EPS15L1: variants seen among roughly 807,000 people sequenced by gnomAD.
The protein encoded by EPS15L1 is epidermal growth factor receptor substrate 15-like 1.
Under a neutral mutation model 117.1 loss-of-function variants are expected in EPS15L1, and 43 were observed. That is an observed-to-expected ratio of 0.37 (90% CI 0.29 to 0.47). EPS15L1 has a LOEUF of 0.47. EPS15L1 is among the 20% of genes least tolerant of loss of function. The probability of loss-of-function intolerance (pLI) is 0.99; values close to 1 mark genes in which losing one functional copy is unlikely to be tolerated. For synonymous variants in EPS15L1, 459 were observed against 470.5 expected (o/e 0.98, Z 0.32); for missense variants, 981 against 1,164.0 (o/e 0.84, Z 2.29).
chr19:16,381,240 C>G lies in EPS15L1; in HGVS notation c.2247+3889G>C, dbSNP rs1035227344. Among the ~76,000 whole-genome samples, 3 of 152,272 alleles carry G rather than the reference C, an allele frequency of 2.0e-5. No homozygotes were observed. The highest frequency in any genetic ancestry group is 4.4e-5 in the Non-Finnish European group (3 of 68,050). ...CCACTGTCAGCACCTCTGCCTTACA[C>G]ACAAGGAAACTGAGGCACACAAAGG... On this transcript the variant is annotated intron_variant, in intron 21 of 23. Transcript: ENST00000455140. This position sits in a 1 kb window ranked among gnomAD's most constrained non-coding sequence, Gnocchi z 4.2.
Position 16,386,239 on chromosome 19 carries a change from A to G in EPS15L1, c.2104-8T>C, listed in dbSNP as rs1412422804. On this transcript the variant is annotated splice_polypyrimidine_tract_variant and splice_region_variant and intron_variant, in intron 19 of 23. Transcript: ENST00000455140. The stretch of plus-strand genomic sequence containing the variant: ...GGATTCAAAGGGGTCGAGCTAAATG[A>G]AAGGAGAGAGGAAAGAGTAAAAAGC... The G allele has an allele frequency of 6.2e-7, 1 of 1,609,272 alleles. No individual in the cohort carries two copies. Among genetic ancestry groups the G allele is most frequent in the African/African-American group, 1.3e-5 (1 of 74,680 alleles).
intron 16 of EPS15L1, 51 bp downstream of exon 16, chr19:16,402,270 C>T (rs776870350): frequency 6.5e-7 from 1 of 1,535,520 alleles, no homozygotes; most frequent in Non-Finnish European, 8.8e-7. Context: ...GTTCTGCTGT[C>T]ACACCAGGGG....
intron 1 of EPS15L1, among the ~76,000 whole-genome samples, chr19:16,465,379 T>C (rs2093294916): frequency 6.6e-6 from 1 of 152,094 alleles, no homozygotes; most frequent in Non-Finnish European, 1.5e-5. Context: ...CAGGGAAACC[T>C]TTGGATTCTC....
rs1259954919 is a variant in EPS15L1, at chr19:16,381,014, A to G, written c.2248-3760T>C. On this transcript the variant is annotated intron_variant, in intron 21 of 23. Coordinates refer to ENST00000455140, the MANE Select transcript of EPS15L1 (RefSeq NM_001258374.3). This position sits in a 1 kb window ranked among gnomAD's most constrained non-coding sequence, Gnocchi z 4.2. The stretch of plus-strand genomic sequence containing the variant: ...AGGTGGCCCCTCTAAGAGGCAGCCT[A>G]CCCATTCCAGGTCCCCCCGATAAGG... 6.6e-6 allele frequency among the ~76,000 whole-genome samples: 1 copy of G among 152,156 alleles called. No homozygotes were observed. The highest frequency in any genetic ancestry group is 6.5e-5 in the Admixed American group (1 of 15,284).
At chr19:16,373,990 T>A (rs1284698008) in intron 22 of EPS15L1, among the ~76,000 whole-genome samples, 1 of 152,222 alleles carries the variant, frequency 6.6e-6, no homozygotes, top group African/African-American at 2.4e-5. Context: ...ATGAGAAATA[T>A]TTAGGCCTCC....
In EPS15L1 at chr19:16,385,173, A is replaced by C. The variant is rs770207069; in HGVS notation, c.2203T>G (p.Phe735Val). 8.1e-6 allele frequency: 13 copies of C among 1,614,070 alleles called. No homozygotes were observed. The Admixed American group carries it at 2.2e-4, about 27-fold the overall frequency. ...TCGGCAAAGCCTTCAGCACTATTGA[A>C]GGACCCACTTCCGAAGGGATCTAAG... ...GTLDPFGSGS[F>V]NSAEGFADFS... The change falls in exon 21 of 24, where the codon TTC becomes GTC. Residue 735 changes from phenylalanine to valine, a missense_variant. Coordinates refer to ENST00000455140, the MANE Select transcript of EPS15L1 (RefSeq NM_001258374.3).
At chr19:16,454,360 T>C (rs1025334009) in intron 1 of EPS15L1, among the ~76,000 whole-genome samples, 55 of 152,282 alleles carry the variant, frequency 3.6e-4, no homozygotes, top group African/African-American at 1.3e-3. Context: ...CACGGTATCC[T>C]ATCGCCCCGC....
At chr19:16,401,082 C>T (rs2092595898) in intron 16 of EPS15L1, 6 of 985,364 alleles carry the variant, frequency 6.1e-6, no homozygotes, top group Non-Finnish European at 7.2e-6. Context: ...AGGATGAATG[C>T]TCATCGTTTA....
chr19:16,442,478 G>C (rs78735063), intron 1 of EPS15L1, among the ~76,000 whole-genome samples: 2,882 of 152,232 alleles, frequency 0.019, 95 homozygotes, highest in Admixed American at 0.083. Flanking sequence ...AGTCACTCAG[G>C]AAACAGCAGC....
In EPS15L1 at chr19:16,359,182, G is replaced by A. The variant is rs950503886; in HGVS notation, c.2586+2597C>T. 2.6e-5 allele frequency among the ~76,000 whole-genome samples: 4 copies of A among 152,264 alleles called. No individual in the cohort carries two copies. In the South Asian group the frequency reaches 6.2e-4, roughly 24 times the overall value. The stretch of plus-strand genomic sequence containing the variant: ...TGAACAGCAGTCTCAGAACGTCCAC[G>A]CTGAAAGAGTCACGCTGCCAATCTG... On this transcript the variant is annotated intron_variant, in intron 23 of 23. Transcript: ENST00000455140.
rs1023501873 is a variant in EPS15L1 at position 16,405,343 on chromosome 19, A to G, written c.1267-594T>C. 6.6e-6 allele frequency among the ~76,000 whole-genome samples: 1 copy of G among 152,140 alleles called. No individual in the cohort carries two copies. Among genetic ancestry groups the G allele is most frequent in the African/African-American group, 2.4e-5 (1 of 41,436 alleles). On this transcript the variant is annotated intron_variant, in intron 13 of 23. Coordinates refer to ENST00000455140, the MANE Select transcript of EPS15L1 (RefSeq NM_001258374.3). The surrounding 1 kb of genome is among the most constrained non-coding windows in gnomAD (Gnocchi z 4.0). ...CTGCACCCCACAGGCCACGCCAAGGAGACTGCGCTGGGCTCTGTGGTGGGG... is the reference window on the plus strand; with the variant it reads ...CTGCACCCCACAGGCCACGCCAAGGGGACTGCGCTGGGCTCTGTGGTGGGG...
chr19:16,358,150 TCA>T (rs1192361346), intron 23 of EPS15L1: 1 of 152,756 alleles, frequency 6.5e-6, no homozygotes, highest in Non-Finnish European at 1.5e-5. Flanking sequence ...AGCCCCCGTG[TCA>T]CAGTGTCACT....
chr19:16,420,587 C>T (rs2092803954), intron 10 of EPS15L1, among the ~76,000 whole-genome samples: 1 of 152,226 alleles, frequency 6.6e-6, no homozygotes, highest in South Asian at 2.1e-4. Context: ...CCCCAAGCCA[C>T]TAAGTAACAT....
At position 16,403,714 on chromosome 19, in the gene EPS15L1, A is replaced by T; in HGVS notation, c.1626+19T>A. 6.2e-7 allele frequency: 1 copy of T among 1,601,424 alleles called. No individual in the cohort carries two copies. The highest frequency in any genetic ancestry group is 8.5e-7 in the Non-Finnish European group (1 of 1,176,192). On this transcript the variant is annotated intron_variant, in intron 15 of 23. Transcript: ENST00000455140. ...CGCTGGTCCCTGGCATGTGGCAGGG[A>T]CCCGACTCCGTGAAGTACCTGGTTG...
Position 16,386,174 on chromosome 19 carries a change from A to T in EPS15L1, c.2161T>A (p.Ser721Thr). ...FSSSSVSSKG[S>T]DPFGTLDPFG... ...AAAAATAAGTCATGGGTCTCACCTG[A>T]TCCTTTTGAGGAGACACTGGAGGAT... is the stretch of plus-strand genomic sequence containing the variant. Residue 721 changes from serine to threonine, a missense_variant, in exon 20 of 24, where the codon TCA (serine) becomes ACA (threonine). This residue lies in a region of EPS15L1 where 819 missense variants were observed against 949.0 expected (regional missense o/e 0.86). Coordinates refer to ENST00000455140, the MANE Select transcript of EPS15L1 (RefSeq NM_001258374.3). The T allele has an allele frequency of 1.2e-6, 2 of 1,610,912 alleles. No homozygotes were observed. The highest frequency in any genetic ancestry group is 1.7e-6 in the Non-Finnish European group (2 of 1,177,394).
At chr19:16,453,740 C>T (rs2093168722) in intron 1 of EPS15L1, among the ~76,000 whole-genome samples, 1 of 151,892 alleles carries the variant, frequency 6.6e-6, no homozygotes, top group East Asian at 1.9e-4. Flanking sequence ...AATGACTTAT[C>T]GGGTACTATG....
At chr19:16,464,192 G>A (rs563640119) in intron 1 of EPS15L1, among the ~76,000 whole-genome samples, 4 of 152,346 alleles carry the variant, frequency 2.6e-5, no homozygotes, top group South Asian at 2.1e-4. Flanking sequence ...ATGGAAATCC[G>A]AGACAAATGT....
Position 16,371,689 on chromosome 19 carries a change from C to T in EPS15L1, c.2380+5433G>A, listed in dbSNP as rs902945271. 3.9e-5 allele frequency among the ~76,000 whole-genome samples: 6 copies of T among 152,152 alleles called. No individual in the cohort carries two copies. Among genetic ancestry groups the T allele is most frequent in the African/African-American group, 7.2e-5 (3 of 41,416 alleles). ...TGGCAGGAAGTGGCAAGGGTGGGGC[C>T]GGTCGCAGGATCCCACTATCGCAGC... On this transcript the variant is annotated intron_variant, in intron 22 of 23. Transcript: ENST00000455140. This position sits in a 1 kb window ranked among gnomAD's most constrained non-coding sequence, Gnocchi z 4.7.
intron 13 of EPS15L1, among the ~76,000 whole-genome samples, chr19:16,408,484 T>C (rs765443779): frequency 0.024 from 3,699 of 151,994 alleles, 121 homozygotes; most frequent in Admixed American, 0.086. Context: ...ATACAAATTT[T>C]TACAAAATTT....
Sources: allele counts gnomAD v4.1 joint callset (sites outside exome capture counted in the v4.1 genomes callset), GRCh38; gene constraint gnomAD v4.1.1; regional missense constraint gnomAD v4.1.1; non-coding constraint Gnocchi (gnomAD v3.1); transcripts MANE v1.5; gene names NCBI Gene and HGNC (gene_info 2026-07-23, HGNC 2026-07-21).